The following PCCA variants were observed in gnomAD, a reference collection of about 807,000 sequenced individuals.
PCCA encodes propionyl-CoA carboxylase alpha chain, mitochondrial.
In PCCA, 74 loss-of-function variants were observed where a neutral mutation model predicts 101.3. That is an observed-to-expected ratio of 0.73 (90% CI 0.61 to 0.89). The LOEUF is 0.89. Among genes scored for constraint, PCCA ranks in the 40% least tolerant of loss-of-function variants. The pLI is 0.00. For synonymous variants in PCCA, 294 were observed against 313.6 expected, an observed-to-expected ratio of 0.94 and a Z score of 0.66; for missense variants, 891 against 907.0, an observed-to-expected ratio of 0.98 and a Z score of 0.23.
chr13:100,265,936 T>A (rs2062907986), intron 10 of PCCA, among the ~76,000 whole-genome samples: 1 of 152,168 alleles, frequency 6.6e-6, no homozygotes, highest in Admixed American at 6.6e-5. Context: ...ATGTGCTTGT[T>A]TTTGAGGGAG....
At position 100,458,434 on chromosome 13, in the gene PCCA, C is replaced by CACAT. The variant is rs1214169944; in HGVS notation, c.1899+9132_1899+9133insTACA. On this transcript the variant is annotated intron_variant, in intron 21 of 23. Coordinates refer to ENST00000376285, the MANE Select transcript of PCCA (RefSeq NM_000282.4). The stretch of plus-strand genomic sequence containing the variant: ...CCCCATCTCTGCGCGCACACACACA[C>CACAT]ACACATACACACACACACACACACA... Among the ~76,000 whole-genome samples, 8 of 72,072 alleles carry CACAT rather than the reference C, an allele frequency of 1.1e-4. No homozygotes were observed. The East Asian group carries it at 3.2e-3, about 29-fold the overall frequency. The allele number at this position is 72,072 out of a possible 152,430, so 47.3% of individuals were successfully genotyped here. A position where few individuals can be genotyped will look rare whatever the true frequency, so the allele number is the denominator to read the frequency against.
At chr13:100,174,946 TA>T (rs1445561718) in intron 6 of PCCA, among the ~76,000 whole-genome samples, 1 of 152,138 alleles carries the variant, frequency 6.6e-6, no homozygotes, top group Non-Finnish European at 1.5e-5. Context: ...ATTTTAATTA[TA>T]AAAATAATTT....
intron 21 of PCCA, among the ~76,000 whole-genome samples, chr13:100,456,576 T>A (rs1439096996): frequency 1.3e-5 from 2 of 152,030 alleles, no homozygotes; most frequent in African/African-American, 4.8e-5. Context: ...GGAGGGTGAA[T>A]CTTCTAAGTG....
At chr13:100,155,508 C>T (rs2053787832) in intron 5 of PCCA, among the ~76,000 whole-genome samples, 5 of 152,240 alleles carry the variant, frequency 3.3e-5, no homozygotes, top group African/African-American at 4.8e-5. Context: ...TAGTACACTT[C>T]CAGAAATAAA....
chr13:100,221,344 C>G (rs553539480), intron 7 of PCCA, among the ~76,000 whole-genome samples: 1 of 152,314 alleles, frequency 6.6e-6, no homozygotes, highest in East Asian at 1.9e-4. Context: ...CTCAGTGGGC[C>G]TCAGAGAAGC....
At chr13:100,487,533 T>G (rs2084487121) in intron 21 of PCCA, among the ~76,000 whole-genome samples, 3 of 152,228 alleles carry the variant, frequency 2.0e-5, no homozygotes, top group African/African-American at 7.2e-5. Context: ...AATTAATATT[T>G]TTTATTTCAG....
intron 7 of PCCA, among the ~76,000 whole-genome samples, chr13:100,223,909 T>C (rs1443502372): frequency 1.3e-5 from 2 of 152,148 alleles, no homozygotes. Context: ...AGGGTGCTGA[T>C]TGGTGTATTT....
intron 8 of PCCA, among the ~76,000 whole-genome samples, chr13:100,238,095 T>A (rs929173306): frequency 6.6e-6 from 1 of 151,812 alleles, no homozygotes; most frequent in Non-Finnish European, 1.5e-5. Context: ...CACACCACAA[T>A]GCCAGCTAAT....
At chr13:100,119,603 C>T (rs548077636) in intron 4 of PCCA, among the ~76,000 whole-genome samples, 68 of 152,198 alleles carry the variant, frequency 4.5e-4, no homozygotes, top group Middle Eastern at 3.4e-3. Flanking sequence ...GAGACATTTT[C>T]GTTTACTTTG....
At chr13:100,199,637 T>G (rs1462579950) in intron 6 of PCCA, among the ~76,000 whole-genome samples, 1 of 152,234 alleles carries the variant, frequency 6.6e-6, no homozygotes, top group Non-Finnish European at 1.5e-5. Flanking sequence ...TTTTTAGCTC[T>G]TTTTAAGATA....
At chr13:100,488,625 TTTGTTTTGTTTTTTTTTTG>T (rs377029287) in intron 21 of PCCA, among the ~76,000 whole-genome samples, 31,121 of 124,094 alleles carry the variant, frequency 0.25, 3,862 homozygotes, top group East Asian at 0.55. Flanking sequence ...GTTTTGTTTT[TTTGTTTTGTTTTTTTTTTG>T]TTTTTTTTTT....
intron 21 of PCCA, among the ~76,000 whole-genome samples, chr13:100,452,137 C>T (rs1413846109): frequency 7.2e-6 from 1 of 137,976 alleles, no homozygotes; most frequent in Non-Finnish European, 1.6e-5. Flanking sequence ...CTCCCTCTCT[C>T]TCCTCTTCTT....
chr13:100,496,960 G>T (rs2085321360), intron 21 of PCCA, among the ~76,000 whole-genome samples: 2 of 152,210 alleles, frequency 1.3e-5, no homozygotes, highest in African/African-American at 4.8e-5. Flanking sequence ...TTCTAGGATG[G>T]AGTTCGGAAG....
In PCCA at chr13:100,129,016, G is replaced by A. The variant is rs1256501273; in HGVS notation, c.300+16955G>A. On this transcript the variant is annotated intron_variant, in intron 4 of 23. Coordinates refer to ENST00000376285, the MANE Select transcript of PCCA (RefSeq NM_000282.4). ...ACTCTGTTTTCTCTCTCTCTGTGAC[G>A]TCTCTAGTTGAATGTTTTACCACTA... 2.6e-5 allele frequency among the ~76,000 whole-genome samples: 4 copies of A among 151,968 alleles called. No individual in the cohort carries two copies. The South Asian group carries it at 6.2e-4, about 24-fold the overall frequency.
At chr13:100,483,104 A>G (rs890826307) in intron 21 of PCCA, among the ~76,000 whole-genome samples, 3 of 152,204 alleles carry the variant, frequency 2.0e-5, no homozygotes, top group African/African-American at 7.2e-5. Flanking sequence ...TCCTGAATTC[A>G]TCACTTAAAA....
At chr13:100,352,755 A>G (rs191113732) in intron 18 of PCCA, among the ~76,000 whole-genome samples, 1 of 152,056 alleles carries the variant, frequency 6.6e-6, no homozygotes, top group African/African-American at 2.4e-5. Context: ...AGGCTAGAAT[A>G]CAGTGGTGTG....
chr13:100,467,510 A>G (rs925885283), intron 21 of PCCA, among the ~76,000 whole-genome samples: 4 of 152,158 alleles, frequency 2.6e-5, no homozygotes, highest in Non-Finnish European at 5.9e-5. Context: ...AGCTGGGACT[A>G]CAGGTGCCCG....
intron 19 of PCCA, 61 bp downstream of exon 19, chr13:100,368,635 A>T: frequency 2.0e-6 from 2 of 1,016,180 alleles, no homozygotes; most frequent in Admixed American, 3.4e-5. Context: ...ATTTAAAGCC[A>T]TTTTTAACCT....
Position 100,491,733 on chromosome 13 carries a change from G to T in PCCA, c.1900-23694G>T, listed in dbSNP as rs114892131. On this transcript the variant is annotated intron_variant, in intron 21 of 23. Transcript: ENST00000376285. Reference sequence around the variant, plus strand: ...GTGGCTGGCTCAGCAGGAGGCCTGGGATTGAAAGCTCTCGGTTTGTACAAG... The same window carrying T: ...GTGGCTGGCTCAGCAGGAGGCCTGGTATTGAAAGCTCTCGGTTTGTACAAG... The T allele has an allele frequency of 1.1e-3, 1,399 of 1,297,560 alleles. 11 individuals are homozygous for T. In the African/African-American group the frequency reaches 0.019, roughly 18 times the overall value. 80.4% of individuals were successfully genotyped at this position (1,297,560 alleles called of 1,614,324 possible).
Sources: gnomAD v4.1 joint callset for allele counts (sites outside exome capture counted in the v4.1 genomes callset) on GRCh38, gnomAD v4.1.1 for gene constraint, MANE v1.5 for transcripts, NCBI Gene and HGNC (gene_info 2026-07-23, HGNC 2026-07-21) for gene names.